Variants in EPHB1 observed in about 807,000 individuals in gnomAD.
EPHB1 encodes the protein EPH receptor B1.
EPHB1 carries 30 observed loss-of-function variants against 94.4 expected under a neutral mutation model. The observed-to-expected ratio is 0.32, with a 90% confidence interval of 0.24 to 0.43. EPHB1 has a LOEUF of 0.43. Ranked by LOEUF, EPHB1 falls within the 20% of genes least tolerant of loss-of-function variation. EPHB1 has a pLI of 1.00. For synonymous variants in EPHB1, 522 were observed against 489.1 expected, an observed-to-expected ratio of 1.07 and a Z score of -0.89; for missense variants, 1,055 against 1,308.3, an observed-to-expected ratio of 0.81 and a Z score of 2.99.
chr3:134,933,290 G>A (rs1029185015), intron 2 of EPHB1, among the ~76,000 whole-genome samples: 1 of 152,032 alleles, frequency 6.6e-6, no homozygotes, highest in Non-Finnish European at 1.5e-5. Context: ...TCATCTGTAT[G>A]CCCTGGAGAA....
chr3:135,258,173 C>T (rs576851329), intron 15 of EPHB1, among the ~76,000 whole-genome samples: 181 of 152,332 alleles, frequency 1.2e-3, no homozygotes, highest in Non-Finnish European at 1.9e-3. Flanking sequence ...TCTTCTGCGT[C>T]GCTCACGCTG....
At chr3:135,257,730 C>CTGTGG (rs575070749) in intron 15 of EPHB1, among the ~76,000 whole-genome samples, 15 of 143,730 alleles carry the variant, frequency 1.0e-4, no homozygotes, top group Middle Eastern at 7.6e-3. Context: ...CCTCCTTGAG[C>CTGTGG]TGGGCTCCAC....
At position 135,167,013 on chromosome 3, in the gene EPHB1, A is replaced by G. The variant is rs774284308; in HGVS notation, c.1759+7A>G. 1.6e-5 allele frequency: 26 copies of G among 1,614,046 alleles called. No individual in the cohort carries two copies. The highest frequency in any genetic ancestry group is 2.1e-5 in the Non-Finnish European group (25 of 1,179,946). On this transcript the variant is annotated splice_region_variant and intron_variant, in intron 9 of 15. Coordinates refer to ENST00000398015, the MANE Select transcript of EPHB1 (RefSeq NM_004441.5). Reference sequence around the variant, plus strand: ...CATTACAGCACAGGCCGAGGTAAGTAGAAAGCAGAGACCCGGTGTCTGACC... The same window carrying G: ...CATTACAGCACAGGCCGAGGTAAGTGGAAAGCAGAGACCCGGTGTCTGACC...
At chr3:134,944,794 A>T (rs1389480179) in intron 2 of EPHB1, among the ~76,000 whole-genome samples, 2 of 152,210 alleles carry the variant, frequency 1.3e-5, no homozygotes, top group Non-Finnish European at 2.9e-5. Flanking sequence ...CTTGAAGTGG[A>T]ATTGCTGGGT....
At chr3:134,839,797 T>C (rs1277863153) in intron 1 of EPHB1, among the ~76,000 whole-genome samples, 1 of 152,158 alleles carries the variant, frequency 6.6e-6, no homozygotes, top group Non-Finnish European at 1.5e-5. Context: ...GGTACCTTTT[T>C]GGGTGGGGAG....
chr3:135,223,451 A>AT (rs1424559463), intron 12 of EPHB1, among the ~76,000 whole-genome samples: 1 of 152,256 alleles, frequency 6.6e-6, no homozygotes, highest in East Asian at 1.9e-4. Context: ...AAACCTGATG[A>AT]TAATGGGTTG....
In EPHB1 at chr3:135,099,012, CAAAAAAA is replaced by C. The variant is rs34508563; in HGVS notation, c.806-7416_806-7410del. Among the ~76,000 whole-genome samples, 308 of 64,520 alleles carry C rather than the reference CAAAAAAA, an allele frequency of 4.8e-3. 1 individual carries two copies. Among genetic ancestry groups the C allele is most frequent in the African/African-American group, 0.015 (239 of 15,590 alleles). The allele number at this position is 64,520 out of a possible 152,430, so 42.3% of individuals were successfully genotyped here. A position where few individuals can be genotyped will look rare whatever the true frequency, so the allele number is the denominator to read the frequency against. On this transcript the variant is annotated intron_variant, in intron 3 of 15. Coordinates refer to ENST00000398015, the MANE Select transcript of EPHB1 (RefSeq NM_004441.5). ...TGGGCAACAGAGTGAGACCCTGCCT[CAAAAAAA>C]AAAAAAAAAAAAAAAAAAAGGGAAT... is the stretch of plus-strand genomic sequence containing the variant.
At chr3:134,930,618 G>A (rs2038887958) in intron 2 of EPHB1, among the ~76,000 whole-genome samples, 1 of 152,220 alleles carries the variant, frequency 6.6e-6, no homozygotes, top group South Asian at 2.1e-4. Context: ...TGGATAAACA[G>A]TCAGCGCTGT....
intron 4 of EPHB1, among the ~76,000 whole-genome samples, chr3:135,129,288 G>C (rs1158935768): frequency 6.6e-6 from 1 of 152,070 alleles, no homozygotes; most frequent in Non-Finnish European, 1.5e-5. Context: ...CATCGACAAG[G>C]GTGGGTCTTC....
At chr3:134,902,449 T>G (rs747275472) in intron 1 of EPHB1, among the ~76,000 whole-genome samples, 1 of 152,240 alleles carries the variant, frequency 6.6e-6, no homozygotes, top group Non-Finnish European at 1.5e-5. Flanking sequence ...TTTATGTATA[T>G]AGTGAATGTG....
intron 3 of EPHB1, among the ~76,000 whole-genome samples, chr3:135,040,618 A>G (rs1193997147): frequency 6.6e-6 from 1 of 152,234 alleles, no homozygotes; most frequent in Non-Finnish European, 1.5e-5. Flanking sequence ...GCACACATCA[A>G]AGGGAAGGAG....
At chr3:135,022,476 C>G (rs368493707) in intron 3 of EPHB1, among the ~76,000 whole-genome samples, 1 of 152,082 alleles carries the variant, frequency 6.6e-6, no homozygotes, top group African/African-American at 2.4e-5. Context: ...TTTGAAGAAA[C>G]CCACTTGTAA....
intron 3 of EPHB1, among the ~76,000 whole-genome samples, chr3:135,057,233 G>C (rs1043608309): frequency 3.3e-5 from 5 of 152,104 alleles, no homozygotes; most frequent in African/African-American, 1.2e-4. Flanking sequence ...CCCAGCAGGA[G>C]TCCCCGGATA....
chr3:135,084,659 G>A (rs1044281443), intron 3 of EPHB1, among the ~76,000 whole-genome samples: 1 of 152,170 alleles, frequency 6.6e-6, no homozygotes, highest in African/African-American at 2.4e-5. Flanking sequence ...GCTGGCTGAG[G>A]TTCAGCTCCC....
chr3:134,966,411 G>A (rs999534064), intron 3 of EPHB1, among the ~76,000 whole-genome samples: 4 of 152,278 alleles, frequency 2.6e-5, no homozygotes, highest in Admixed American at 6.5e-5. Flanking sequence ...TATCATAAAA[G>A]GGGAGGAAAC....
chr3:135,022,853 A>T (rs887732790), intron 3 of EPHB1, among the ~76,000 whole-genome samples: 4 of 152,162 alleles, frequency 2.6e-5, no homozygotes, highest in African/African-American at 9.7e-5. Context: ...TCATTACTCA[A>T]TAGGGTGGAG....
At chr3:135,009,314 G>A (rs1311573604) in intron 3 of EPHB1, among the ~76,000 whole-genome samples, 5 of 152,156 alleles carry the variant, frequency 3.3e-5, no homozygotes, top group African/African-American at 1.2e-4. Context: ...CGTTCCCTGG[G>A]TGATTCTGAT....
At chr3:135,020,630 T>C (rs1438225027) in intron 3 of EPHB1, among the ~76,000 whole-genome samples, 3 of 152,244 alleles carry the variant, frequency 2.0e-5, no homozygotes, top group African/African-American at 7.2e-5. Context: ...ATGATTTTAA[T>C]AGCAGCAGTT....
intron 3 of EPHB1, among the ~76,000 whole-genome samples, chr3:135,013,448 C>T (rs193080769): frequency 1.3e-3 from 200 of 152,282 alleles, no homozygotes; most frequent in African/African-American, 4.5e-3. Flanking sequence ...ATATCACCAC[C>T]GCATACCGAG....
Sources: gnomAD v4.1 joint callset for allele counts (sites outside exome capture counted in the v4.1 genomes callset) on GRCh38, gnomAD v4.1.1 for gene constraint, MANE v1.5 for transcripts, NCBI Gene and HGNC (gene_info 2026-07-23, HGNC 2026-07-21) for gene names.